Variants in ZCCHC24 observed in about 807,000 individuals in gnomAD.
ZCCHC24 encodes zinc finger CCHC-type containing 24.
In ZCCHC24, 10 loss-of-function variants were observed where a neutral mutation model predicts 26.2. The ratio of observed to expected loss-of-function variants is 0.38; its 90% confidence interval spans 0.24 to 0.65. The LOEUF is 0.65. ZCCHC24 is among the 30% of genes least tolerant of loss of function. The probability of loss-of-function intolerance (pLI) is 0.54; values close to 1 mark genes in which losing one functional copy is unlikely to be tolerated. For missense variants in ZCCHC24, 243 were observed against 329.1 expected, an observed-to-expected ratio of 0.74 and a Z score of 2.03; for synonymous variants, 144 against 147.1, an observed-to-expected ratio of 0.98 and a Z score of 0.15.
At chr10:79,390,700 G>T (rs1405815818) in intron 3 of ZCCHC24, among the ~76,000 whole-genome samples, 1 of 152,240 alleles carries the variant, frequency 6.6e-6, no homozygotes, top group Non-Finnish European at 1.5e-5. Context: ...GACTGTGGTG[G>T]AGGGCCTCCC....
chr10:79,434,305 T>C (rs923894614), intron 1 of ZCCHC24, among the ~76,000 whole-genome samples: 4 of 152,196 alleles, frequency 2.6e-5, no homozygotes, highest in African/African-American at 9.7e-5. Context: ...CCAGGACCAG[T>C]GGAAGATTCC....
rs561884774 is a variant in ZCCHC24 at position 79,423,581 on chromosome 10, C to CTATATATATATATATA, written c.447+8961_447+8976dup. Among the ~76,000 whole-genome samples the CTATATATATATATATA allele has an allele frequency of 2.9e-3, 157 of 53,710 alleles. 2 individuals are homozygous for CTATATATATATATATA. Among genetic ancestry groups the CTATATATATATATATA allele is most frequent in the African/African-American group, 0.011 (149 of 12,970 alleles). 35.2% of individuals were successfully genotyped at this position (53,710 alleles called of 152,430 possible). On this transcript the variant is annotated intron_variant, in intron 2 of 3. Transcript: ENST00000372336. Reference sequence around the variant, plus strand: ...AACAAAAACAAACAAAATATATATACTATATATATATATATATATATATAT... The same window carrying CTATATATATATATATA: ...AACAAAAACAAACAAAATATATATACTATATATATATATATATATATATATATATATATATATATAT...
At chr10:79,402,897 C>G (rs1274840716) in intron 2 of ZCCHC24, among the ~76,000 whole-genome samples, 1 of 152,236 alleles carries the variant, frequency 6.6e-6, no homozygotes, top group Non-Finnish European at 1.5e-5. Context: ...CCTCTTACCT[C>G]CGACCCTGGC....
intron 1 of ZCCHC24, among the ~76,000 whole-genome samples, 190 bp downstream of exon 1, chr10:79,445,005 G>C (rs919160331): frequency 2.6e-5 from 4 of 152,170 alleles, no homozygotes; most frequent in Admixed American, 1.3e-4. Context: ...GGGAGGTGAC[G>C]CGCACCCGGC....
At chr10:79,438,230 A>G (rs750483713) in intron 1 of ZCCHC24, among the ~76,000 whole-genome samples, 7 of 152,064 alleles carry the variant, frequency 4.6e-5, no homozygotes, top group East Asian at 1.9e-4. Flanking sequence ...AGACACGCGC[A>G]CACACACACG....
chr10:79,418,380 G>A lies in ZCCHC24; in HGVS notation c.447+14178C>T, dbSNP rs1056569772. ...AGAGACAGCCCTGGGATGAGAGCTC[G>A]GGCCTTCTGACCCCAAGGCCATGCT... On this transcript the variant is annotated intron_variant, in intron 2 of 3. Transcript: ENST00000372336. Among the ~76,000 whole-genome samples the A allele has an allele frequency of 2.6e-5, 4 of 152,100 alleles. No homozygotes were observed. The South Asian group carries it at 8.3e-4, about 31-fold the overall frequency.
intron 2 of ZCCHC24, among the ~76,000 whole-genome samples, chr10:79,422,367 G>A (rs981478539): frequency 5.9e-5 from 9 of 152,180 alleles, no homozygotes; most frequent in Non-Finnish European, 1.3e-4. Flanking sequence ...GGGGGCCTCG[G>A]CCCTGCCTGC....
intron 2 of ZCCHC24, among the ~76,000 whole-genome samples, chr10:79,395,997 C>T (rs1293227819): frequency 1.3e-5 from 2 of 152,188 alleles, no homozygotes; most frequent in Non-Finnish European, 1.5e-5. Flanking sequence ...AGTCCTTCCC[C>T]ATCCTACTCC....
intron 2 of ZCCHC24, among the ~76,000 whole-genome samples, chr10:79,409,744 C>T (rs541618410): frequency 1.1e-4 from 17 of 152,338 alleles, no homozygotes; most frequent in African/African-American, 3.8e-4. Flanking sequence ...GGAACGGGCT[C>T]AATAGGGCCT....
chr10:79,399,104 C>G (rs1007912288), intron 2 of ZCCHC24, among the ~76,000 whole-genome samples: 1 of 152,150 alleles, frequency 6.6e-6, no homozygotes, highest in African/African-American at 2.4e-5. Flanking sequence ...CAGTGTCAGG[C>G]CTTGGCGGTG....
At chr10:79,435,965 T>C (rs1857211329) in intron 1 of ZCCHC24, among the ~76,000 whole-genome samples, 2 of 152,170 alleles carry the variant, frequency 1.3e-5, no homozygotes, top group Non-Finnish European at 2.9e-5. Flanking sequence ...GGGTTTCCCA[T>C]CTGTACAGTG....
At chr10:79,389,373 A>T (rs1856440809) in intron 3 of ZCCHC24, among the ~76,000 whole-genome samples, 1 of 152,188 alleles carries the variant, frequency 6.6e-6, no homozygotes, top group South Asian at 2.1e-4. Context: ...TCTCCATATG[A>T]CATGATATCA....
At chr10:79,407,912 G>T (rs983412855) in intron 2 of ZCCHC24, among the ~76,000 whole-genome samples, 1 of 152,168 alleles carries the variant, frequency 6.6e-6, no homozygotes, top group Admixed American at 6.5e-5. Flanking sequence ...GCGGGGTACT[G>T]GGGAGGGCTG....
At chr10:79,387,122 G>A (rs905665976) in intron 3 of ZCCHC24, among the ~76,000 whole-genome samples, 1 of 152,070 alleles carries the variant, frequency 6.6e-6, no homozygotes, top group Non-Finnish European at 1.5e-5. Flanking sequence ...TCTCAGGGCC[G>A]GCCCAGTGCC....
intron 2 of ZCCHC24, among the ~76,000 whole-genome samples, chr10:79,408,201 T>A (rs900819857): frequency 5.3e-5 from 8 of 152,178 alleles, no homozygotes; most frequent in African/African-American, 1.9e-4. Flanking sequence ...CAAGATTGGG[T>A]GCCCAGAAGC....
intron 2 of ZCCHC24, among the ~76,000 whole-genome samples, chr10:79,395,748 G>A (rs538229598): frequency 6.6e-6 from 1 of 152,270 alleles, no homozygotes; most frequent in Non-Finnish European, 1.5e-5. Flanking sequence ...TGCAGGAATA[G>A]CCTAATATTT....
chr10:79,442,506 T>A lies in ZCCHC24; in HGVS notation c.246+2689A>T, dbSNP rs891828209. ...CATTCATGGTGTTTTGCTATTGTGG[T>A]GGGAGCAGCCTGGGGGTGGTGCAGG... is the stretch of plus-strand genomic sequence containing the variant. On this transcript the variant is annotated intron_variant, in intron 1 of 3. Coordinates refer to ENST00000372336, the MANE Select transcript of ZCCHC24 (RefSeq NM_153367.4). Among the ~76,000 whole-genome samples, 6 of 152,236 alleles carry A rather than the reference T, an allele frequency of 3.9e-5. No homozygotes were observed. The East Asian group carries it at 1.2e-3, about 29-fold the overall frequency.
Position 79,445,425 on chromosome 10 carries a change from C to T in ZCCHC24, c.16G>A (p.Ala6Thr), listed in dbSNP as rs1263297951. The T allele has an allele frequency of 9.5e-6, 14 of 1,474,588 alleles. No individual in the cohort carries two copies. Among genetic ancestry groups the T allele is most frequent in the African/African-American group, 1.5e-5 (1 of 68,576 alleles). 91.3% of individuals were successfully genotyped at this position (1,474,588 alleles called of 1,614,324 possible). A position where few individuals can be genotyped will look rare whatever the true frequency, so the allele number is the denominator to read the frequency against. The change falls in exon 1 of 4, where the codon GCC (alanine) becomes ACC (threonine). Residue 6 changes from alanine (A) to threonine (T), a missense_variant. By Grantham distance (58) the Ala-to-Thr change is moderately conservative (BLOSUM62 0). Coordinates refer to ENST00000372336, the MANE Select transcript of ZCCHC24 (RefSeq NM_153367.4). ...ACCGAGGCGGCGCTCGTGTCGATGG[C>T]CGACAGCAGGCTCATTTTGTGGCGG... MSLLS[A>T]IDTSAASVYQ...
chr10:79,419,291 G>A (rs1270245734), intron 2 of ZCCHC24, among the ~76,000 whole-genome samples: 1 of 152,208 alleles, frequency 6.6e-6, no homozygotes, highest in African/African-American at 2.4e-5. Context: ...AGTGCTTGTG[G>A]GATGCCAAGC....
Sources: gnomAD v4.1 joint callset for allele counts (sites outside exome capture counted in the v4.1 genomes callset) on GRCh38, gnomAD v4.1.1 for gene constraint, MANE v1.5 for transcripts, NCBI Gene and HGNC (gene_info 2026-07-23, HGNC 2026-07-21) for gene names.